SYT10: variants seen among roughly 807,000 people sequenced by gnomAD.
SYT10 encodes the protein synaptotagmin 10.
In SYT10, 31 loss-of-function variants were observed where a neutral mutation model predicts 51.1. That is an observed-to-expected ratio of 0.61 (90% confidence interval 0.46 to 0.82). The LOEUF (loss-of-function observed/expected upper bound fraction) is 0.82, where lower values mean the gene tolerates loss of function less well. Ranked by LOEUF, SYT10 falls within the 40% of genes least tolerant of loss-of-function variation. The pLI is 0.00. For missense variants in SYT10, 603 were observed against 634.0 expected (o/e 0.95, Z 0.53); for synonymous variants, 233 against 225.9 (o/e 1.03, Z -0.28).
intron 3 of SYT10, among the ~76,000 whole-genome samples, chr12:33,402,373 T>C (rs1314586515): frequency 6.6e-6 from 1 of 152,214 alleles, no homozygotes; most frequent in East Asian, 1.9e-4. Context: ...TCAAGAATCA[T>C]CCAACACTTT....
chr12:33,394,842 A>G (rs1040794647), intron 3 of SYT10, among the ~76,000 whole-genome samples: 1 of 152,232 alleles, frequency 6.6e-6, no homozygotes, highest in African/African-American at 2.4e-5. Flanking sequence ...TAAACCCAGC[A>G]CTTTGGGAGC....
chr12:33,419,556 A>C (rs1393180207), intron 2 of SYT10, among the ~76,000 whole-genome samples: 1 of 152,192 alleles, frequency 6.6e-6, no homozygotes, highest in Non-Finnish European at 1.5e-5. Context: ...AATTTAATGA[A>C]ATAAATGTTC....
intron 3 of SYT10, among the ~76,000 whole-genome samples, chr12:33,397,143 G>T (rs1866263441): frequency 6.6e-6 from 1 of 152,196 alleles, no homozygotes; most frequent in Non-Finnish European, 1.5e-5. Flanking sequence ...AAGGTTATAG[G>T]AAATTAACCA....
intron 3 of SYT10, among the ~76,000 whole-genome samples, chr12:33,387,176 G>A (rs1317284588): frequency 6.6e-6 from 1 of 152,158 alleles, no homozygotes; most frequent in East Asian, 1.9e-4. Context: ...ATATAGCTCA[G>A]GTTCTGATTT....
intron 2 of SYT10, among the ~76,000 whole-genome samples, chr12:33,420,759 T>G (rs780966829): frequency 6.6e-6 from 1 of 152,254 alleles, no homozygotes; most frequent in African/African-American, 2.4e-5. Context: ...TTTGTAAGGA[T>G]GTGACTCTGG....
At position 33,385,175 on chromosome 12, in the gene SYT10, T is replaced by G; in HGVS notation, c.1194A>C (p.Ser398=). The G allele has an allele frequency of 6.2e-7, 1 of 1,613,660 alleles. No homozygotes were observed. The highest frequency in any genetic ancestry group is 2.2e-5 in the East Asian group (1 of 44,854). The change falls in exon 4 of 7, where the codon TCA becomes TCC. Residue 398 remains serine, a synonymous_variant. Coordinates refer to ENST00000228567, the MANE Select transcript of SYT10 (RefSeq NM_198992.4). ...CTGTGGCCATTGTGTACATACCTGA[T>G]GAGCCAGTAATATCCATCGCCTTCA... ...RNLKAMDITG[S]SDPYVKVSLM...
intron 2 of SYT10, among the ~76,000 whole-genome samples, chr12:33,417,814 G>C (rs1940632621): frequency 1.3e-5 from 2 of 152,144 alleles, no homozygotes; most frequent in Non-Finnish European, 2.9e-5. Context: ...GTACACAAGA[G>C]AGTGGCTCTG....
chr12:33,391,410 G>A (rs1866205942), intron 3 of SYT10, among the ~76,000 whole-genome samples: 1 of 152,136 alleles, frequency 6.6e-6, no homozygotes, highest in Admixed American at 6.5e-5. Context: ...AAAGGCAAAG[G>A]GAATTAGAAA....
chr12:33,398,251 C>T (rs2138404485), intron 3 of SYT10, among the ~76,000 whole-genome samples: 1 of 152,270 alleles, frequency 6.6e-6, no homozygotes, highest in East Asian at 1.9e-4. Flanking sequence ...CGGTGGCTCA[C>T]ACCTGTAATC....
intron 1 of SYT10, among the ~76,000 whole-genome samples, chr12:33,434,733 AG>A (rs971543045): frequency 6.6e-6 from 1 of 152,180 alleles, no homozygotes; most frequent in African/African-American, 2.4e-5. Flanking sequence ...TGAACTTGGG[AG>A]GCGGAGGTTG....
chr12:33,407,482 G>T (rs1866369400), intron 2 of SYT10, 126 bp from the exon 3 acceptor site: 1 of 884,888 alleles, frequency 1.1e-6, no homozygotes, highest in Non-Finnish European at 1.7e-6. Context: ...TACATAGATA[G>T]ACACATACAT....
chr12:33,382,839 G>T (rs1015837161), intron 4 of SYT10, among the ~76,000 whole-genome samples: 1 of 152,090 alleles, frequency 6.6e-6, no homozygotes, highest in Non-Finnish European at 1.5e-5. Flanking sequence ...ACTGGAAAAG[G>T]ACCTAAAATT....
At chr12:33,438,571 G>A (rs1866656764) in intron 1 of SYT10, among the ~76,000 whole-genome samples, 2 of 152,082 alleles carry the variant, frequency 1.3e-5, no homozygotes, top group Admixed American at 6.6e-5. Flanking sequence ...CCAGATTTCC[G>A]ACGGTCGATA....
intron 2 of SYT10, among the ~76,000 whole-genome samples, chr12:33,421,030 A>G (rs1866498756): frequency 6.6e-6 from 1 of 152,184 alleles, no homozygotes; most frequent in Non-Finnish European, 1.5e-5. Flanking sequence ...GTTTTAGCAT[A>G]GATAATTTCA....
In SYT10 at chr12:33,439,498, C is replaced by T; in HGVS notation, c.25G>A (p.Val9Met). 1 of 1,612,818 alleles carries T rather than the reference C, an allele frequency of 6.2e-7. No homozygotes were observed. The highest frequency in any genetic ancestry group is 8.5e-7 in the Non-Finnish European group (1 of 1,179,638). MSFHKEDG[V>M]NSLCQKALHI... Reference sequence around the variant, plus strand: ...AGAGCCTTCTGGCACAGACTGTTCACTCCGTCCTCCTTGTGGAAACTCATC... The same window carrying T: ...AGAGCCTTCTGGCACAGACTGTTCATTCCGTCCTCCTTGTGGAAACTCATC... Residue 9 changes from valine (V) to methionine (M), a missense_variant, in exon 1 of 7, where the codon GTG (valine) becomes ATG (methionine). Physicochemically the swap from Val to Met is conservative, Grantham distance 21. Transcript: ENST00000228567.
chr12:33,403,422 G>T (rs12424970), intron 3 of SYT10, among the ~76,000 whole-genome samples: 75,196 of 151,458 alleles, frequency 0.5, 18,917 homozygotes, highest in East Asian at 0.75. Flanking sequence ...GTAGAGACGG[G>T]GCTTCACTCA....
chr12:33,406,800 A>G lies in SYT10; in HGVS notation c.1066T>C (p.Cys356Arg). The G allele has an allele frequency of 6.2e-7, 1 of 1,608,228 alleles. No homozygotes were observed. The highest frequency in any genetic ancestry group is 8.5e-7 in the Non-Finnish European group (1 of 1,177,892). ...GAATTACTACTTACTGTGGTAGCAC[A>G]GTGAATATCTTTCCATACTGTGGCT... ...REATVWKDIHCATTESIDLGE... is the reference protein window; with the variant it reads ...REATVWKDIHRATTESIDLGE... The change falls in exon 3 of 7, where the codon TGT becomes CGT. Residue 356 changes from cysteine to arginine, a missense_variant. Coordinates refer to ENST00000228567, the MANE Select transcript of SYT10 (RefSeq NM_198992.4).
intron 1 of SYT10, 22 bp downstream of exon 1, chr12:33,439,350 C>CT: frequency 6.2e-7 from 1 of 1,602,724 alleles, no homozygotes; most frequent in Admixed American, 1.7e-5. Flanking sequence ...CGCGAGGACG[C>CT]GAGCGGAGCC....
chr12:33,385,091 G>T, intron 4 of SYT10, 80 bp downstream of exon 4: 2 of 1,514,660 alleles, frequency 1.3e-6, no homozygotes, highest in East Asian at 2.3e-5. Flanking sequence ...AAATAATTCA[G>T]TAGTCATGTA....
Sources: gnomAD v4.1 joint callset for allele counts (sites outside exome capture counted in the v4.1 genomes callset) on GRCh38, gnomAD v4.1.1 for gene constraint, MANE v1.5 for transcripts, NCBI Gene and HGNC (gene_info 2026-07-23, HGNC 2026-07-21) for gene names.